The following ARHGAP15 variants were observed in gnomAD, a reference collection of about 807,000 sequenced individuals.
ARHGAP15 encodes rho GTPase-activating protein 15.
ARHGAP15 carries 51 observed loss-of-function variants against 63.7 expected under a neutral mutation model. The observed-to-expected ratio is 0.80, with a 90% CI of 0.64 to 1.01. ARHGAP15 has a LOEUF of 1.01. ARHGAP15 is among the 50% of genes least tolerant of loss of function. ARHGAP15 has a pLI of 0.00. For missense variants in ARHGAP15, 560 were observed against 564.6 expected, an observed-to-expected ratio of 0.99 and a Z score of 0.08; for synonymous variants, 191 against 193.8, an observed-to-expected ratio of 0.99 and a Z score of 0.12.
intron 2 of ARHGAP15, among the ~76,000 whole-genome samples, chr2:143,200,375 ATT>A (rs752925824): frequency 1.4e-5 from 2 of 142,404 alleles, no homozygotes; most frequent in Non-Finnish European, 1.5e-5. Flanking sequence ...CAGGATTCTG[ATT>A]TTTTTTTTTT....
chr2:143,199,775 C>T (rs980895940), intron 2 of ARHGAP15, among the ~76,000 whole-genome samples: 2 of 152,006 alleles, frequency 1.3e-5, no homozygotes, highest in African/African-American at 4.8e-5. Context: ...ACCATATAGC[C>T]GTTTACACCA....
At chr2:143,628,233 G>A (rs1461625208) in intron 12 of ARHGAP15, among the ~76,000 whole-genome samples, 1 of 152,048 alleles carries the variant, frequency 6.6e-6, no homozygotes, top group Non-Finnish European at 1.5e-5. Context: ...CCATCACTGG[G>A]CACCTAGGTT....
chr2:143,302,656 A>G (rs1256943658), intron 6 of ARHGAP15, among the ~76,000 whole-genome samples: 2 of 152,032 alleles, frequency 1.3e-5, no homozygotes, highest in Admixed American at 1.3e-4. Flanking sequence ...TCTCCCAGGT[A>G]GTGAACTATC....
chr2:143,300,820 A>G (rs929689596), intron 6 of ARHGAP15, among the ~76,000 whole-genome samples: 3 of 152,036 alleles, frequency 2.0e-5, no homozygotes, highest in Non-Finnish European at 2.9e-5. Flanking sequence ...AAGTTAGAAA[A>G]GAGGAATTTG....
At chr2:143,339,455 G>A (rs1684955029) in intron 6 of ARHGAP15, among the ~76,000 whole-genome samples, 1 of 152,132 alleles carries the variant, frequency 6.6e-6, no homozygotes, top group Non-Finnish European at 1.5e-5. Context: ...ATTATAGGAA[G>A]AGTGGGTAAT....
chr2:143,223,217 A>T (rs367709292), intron 4 of ARHGAP15, among the ~76,000 whole-genome samples: 11 of 152,026 alleles, frequency 7.2e-5, no homozygotes, highest in African/African-American at 2.7e-4. Flanking sequence ...CAAGTGATCA[A>T]CCTGCCTCAG....
chr2:143,476,683 A>G (rs34657736), intron 8 of ARHGAP15, among the ~76,000 whole-genome samples: 29,285 of 152,192 alleles, frequency 0.19, 3,434 homozygotes, highest in East Asian at 0.48. Context: ...CTGTTAGTCC[A>G]TGATCTTTCC....
At chr2:143,708,518 G>C (rs10198845) in intron 13 of ARHGAP15, among the ~76,000 whole-genome samples, 42,847 of 151,906 alleles carry the variant, frequency 0.28, 7,453 homozygotes, top group Admixed American at 0.39. Context: ...TATTTCACAT[G>C]TTTGACAAGC....
intron 10 of ARHGAP15, among the ~76,000 whole-genome samples, chr2:143,554,038 G>A: frequency 6.6e-6 from 1 of 152,012 alleles, no homozygotes; most frequent in Non-Finnish European, 1.5e-5. Context: ...TAAGGGTCTA[G>A]CTAATTAGCA....
intron 10 of ARHGAP15, among the ~76,000 whole-genome samples, chr2:143,538,721 G>A (rs1250826037): frequency 1.3e-5 from 2 of 152,174 alleles, no homozygotes; most frequent in Non-Finnish European, 2.9e-5. Context: ...TGCATCCCAG[G>A]GATGAAGCCC....
intron 6 of ARHGAP15, among the ~76,000 whole-genome samples, chr2:143,353,439 G>A (rs1685665265): frequency 6.6e-6 from 1 of 152,090 alleles, no homozygotes; most frequent in South Asian, 2.1e-4. Context: ...TGTCTTGCTG[G>A]TTAATATCCC....
At chr2:143,761,616 T>G (rs1396786398) in intron 13 of ARHGAP15, among the ~76,000 whole-genome samples, 3 of 152,222 alleles carry the variant, frequency 2.0e-5, no homozygotes, top group African/African-American at 7.2e-5. Flanking sequence ...TAAAGTTTTC[T>G]TTCAGTTCGA....
At chr2:143,665,229 G>T (rs1374052289) in intron 12 of ARHGAP15, among the ~76,000 whole-genome samples, 2 of 140,824 alleles carry the variant, frequency 1.4e-5, no homozygotes, top group African/African-American at 5.3e-5. Context: ...ATGATCAAGT[G>T]GGCTTCATCC....
At chr2:143,724,834 A>G (rs1685211270) in intron 13 of ARHGAP15, among the ~76,000 whole-genome samples, 3 of 152,360 alleles carry the variant, frequency 2.0e-5, no homozygotes, top group Admixed American at 6.5e-5. Flanking sequence ...GATCAGCATT[A>G]TAAGAGTCTG....
At chr2:143,413,962 T>TGCGCGCGCGCGCGC (rs1337258046) in intron 6 of ARHGAP15, among the ~76,000 whole-genome samples, 3 of 59,580 alleles carry the variant, frequency 5.0e-5, no homozygotes, top group Non-Finnish European at 1.1e-4. Context: ...TGTGTGTGTG[T>TGCGCGCGCGCGCGC]GTGTGCGCGC....
intron 1 of ARHGAP15, among the ~76,000 whole-genome samples, chr2:143,132,712 G>A (rs16858596): frequency 0.038 from 5,765 of 152,272 alleles, 126 homozygotes; most frequent in Non-Finnish European, 0.05. Context: ...AAATTAAAAT[G>A]CTTTCCCCAG....
chr2:143,222,868 A>G (rs1276822001), intron 4 of ARHGAP15, among the ~76,000 whole-genome samples: 1 of 152,182 alleles, frequency 6.6e-6, no homozygotes, highest in African/African-American at 2.4e-5. Flanking sequence ...AAATGCCCTC[A>G]TAGAAATTTA....
chr2:143,678,414 C>T (rs1022244867), intron 12 of ARHGAP15, among the ~76,000 whole-genome samples: 1 of 152,132 alleles, frequency 6.6e-6, no homozygotes. Context: ...ACAAACATTC[C>T]TTAGAGGGGA....
rs1558779595 is a variant in ARHGAP15, at chr2:143,153,840, T to TTCTTCTTCC, written c.-14-1632_-14-1631insTTCCTCTTC. Among the ~76,000 whole-genome samples, 456 of 78,368 alleles carry TTCTTCTTCC rather than the reference T, an allele frequency of 5.8e-3. 31 individuals carry two copies. Among genetic ancestry groups the TTCTTCTTCC allele is most frequent in the South Asian group, 0.044 (82 of 1,860 alleles). The allele number at this position is 78,368 out of a possible 152,430, so 51.4% of individuals were successfully genotyped here. On this transcript the variant is annotated intron_variant, in intron 1 of 13. Coordinates refer to ENST00000295095, the MANE Select transcript of ARHGAP15 (RefSeq NM_018460.4). ...CTTCTTCTTCTTCTTCTTCTTCTTC[T>TTCTTCTTCC]TCTTCCTCCTCCTCCTCCTCCTCCT...
Sources: allele counts gnomAD v4.1 joint callset (sites outside exome capture counted in the v4.1 genomes callset), GRCh38; gene constraint gnomAD v4.1.1; transcripts MANE v1.5; gene names NCBI Gene and HGNC (gene_info 2026-07-23, HGNC 2026-07-21).